MMP16: variants seen among roughly 807,000 people sequenced by gnomAD.
MMP16 encodes matrix metalloproteinase-16.
MMP16 carries 12 observed loss-of-function variants against 67.8 expected under a neutral mutation model. The observed-to-expected ratio is 0.18, with a 90% confidence interval of 0.11 to 0.29. The LOEUF (loss-of-function observed/expected upper bound fraction) is 0.29, where lower values mean the gene tolerates loss of function less well. MMP16 is among the 10% of genes least tolerant of loss of function. The probability of loss-of-function intolerance (pLI) is 1.00; values close to 1 mark genes in which losing one functional copy is unlikely to be tolerated. For synonymous variants in MMP16, 249 were observed against 255.9 expected, an observed-to-expected ratio of 0.97 and a Z score of 0.26; for missense variants, 475 against 765.7, an observed-to-expected ratio of 0.62 and a Z score of 4.48.
At chr8:88,159,973 A>G (rs1808586647) in intron 4 of MMP16, among the ~76,000 whole-genome samples, 1 of 149,194 alleles carries the variant, frequency 6.7e-6, no homozygotes, top group Admixed American at 6.7e-5. Flanking sequence ...ATTTTATTTT[A>G]TTTTATTATT....
At chr8:88,160,959 T>C (rs886144101) in intron 4 of MMP16, among the ~76,000 whole-genome samples, 1 of 152,202 alleles carries the variant, frequency 6.6e-6, no homozygotes, top group Non-Finnish European at 1.5e-5. Flanking sequence ...CAGTATTTTA[T>C]TGAGGATTTT....
intron 1 of MMP16, among the ~76,000 whole-genome samples, chr8:88,281,417 G>C (rs867510376): frequency 6.6e-6 from 1 of 152,202 alleles, no homozygotes; most frequent in African/African-American, 2.4e-5. Context: ...AGGGTCAGAG[G>C]AAGGTGAAAC....
chr8:88,286,497 A>T (rs921190874), intron 1 of MMP16, among the ~76,000 whole-genome samples: 4 of 152,070 alleles, frequency 2.6e-5, no homozygotes, highest in Admixed American at 6.5e-5. Context: ...CTCCTAATAA[A>T]AGCATTTTAT....
chr8:88,066,474 A>G (rs1055106953), intron 7 of MMP16, among the ~76,000 whole-genome samples: 3 of 152,104 alleles, frequency 2.0e-5, no homozygotes, highest in Admixed American at 6.6e-5. Flanking sequence ...ACACCTTATG[A>G]GCATAAAGGA....
chr8:88,116,586 T>C lies in MMP16; in HGVS notation c.1004A>G (p.Tyr335Cys), dbSNP rs1372758090. 1.2e-6 allele frequency: 2 copies of C among 1,613,728 alleles called. No homozygotes were observed. The highest frequency in any genetic ancestry group is 2.2e-5 in the South Asian group (2 of 91,082). ...PPRPPTGRPS[Y>C]PGAKPNICDG... is the part of the protein sequence containing the mutation. The stretch of plus-strand genomic sequence containing the variant: ...ACAGATGTTGGGTTTGGCTCCGGGA[T>C]AGGAGGGTCTGCCGGTTGGAGGCCG... The change falls in exon 6 of 10, where the codon TAT becomes TGT. Residue 335 changes from tyrosine to cysteine, a missense_variant. By Grantham distance (194) the Tyr-to-Cys change is radical. Around this residue, in one of 5 missense-constraint regions of MMP16, gnomAD observed 195 missense variants for 300.9 expected, o/e 0.65. Transcript: ENST00000286614.
Position 88,041,340 on chromosome 8 carries a change from C to G in MMP16, c.*121G>C. On this transcript the variant is annotated 3_prime_UTR_variant, in exon 10 of 10. Transcript: ENST00000286614. The surrounding 1 kb of genome is among the most constrained non-coding windows in gnomAD (Gnocchi z 6.0). ...CAGCAACCCTCTGGGTTTGAAAGGT[C>G]AGCCCCGAATCAGGCTGCCACAAGC... is the stretch of plus-strand genomic sequence containing the variant. 1 of 994,450 alleles carries G rather than the reference C, an allele frequency of 1.0e-6. No homozygotes were observed. Among genetic ancestry groups the G allele is most frequent in the Admixed American group, 2.3e-5 (1 of 43,504 alleles). 61.6% of individuals were successfully genotyped at this position (994,450 alleles called of 1,614,324 possible). A position where few individuals can be genotyped will look rare whatever the true frequency, so the allele number is the denominator to read the frequency against.
At chr8:88,145,986 T>C (rs1808283839) in intron 4 of MMP16, among the ~76,000 whole-genome samples, 1 of 152,020 alleles carries the variant, frequency 6.6e-6, no homozygotes, top group South Asian at 2.1e-4. Context: ...ACACCAATAG[T>C]GCTGAGGTTG....
chr8:88,216,222 C>T (rs1563564849), intron 1 of MMP16, among the ~76,000 whole-genome samples: 1 of 151,968 alleles, frequency 6.6e-6, no homozygotes. Context: ...AGCATTGATC[C>T]ATTATAAACT....
chr8:88,061,436 A>G (rs1477350928), intron 7 of MMP16, among the ~76,000 whole-genome samples: 1 of 152,042 alleles, frequency 6.6e-6, no homozygotes, highest in African/African-American at 2.4e-5. Flanking sequence ...TATTTAGGGT[A>G]CATCTTGTGT....
At chr8:88,255,872 T>C (rs1189143569) in intron 1 of MMP16, among the ~76,000 whole-genome samples, 2 of 152,174 alleles carry the variant, frequency 1.3e-5, no homozygotes, top group African/African-American at 4.8e-5. Flanking sequence ...TGGAATTCAA[T>C]CATTTAGATC....
chr8:88,222,294 G>T (rs912766262), intron 1 of MMP16, among the ~76,000 whole-genome samples: 2 of 151,486 alleles, frequency 1.3e-5, no homozygotes, highest in Non-Finnish European at 3.0e-5. Context: ...TTACCAGGCA[G>T]AATCCTCGTC....
intron 4 of MMP16, among the ~76,000 whole-genome samples, chr8:88,138,211 C>T (rs1201461818): frequency 6.6e-6 from 1 of 151,872 alleles, no homozygotes. Context: ...TTCATCCTAT[C>T]CTCTGAAAAA....
Position 88,105,231 on chromosome 8 carries a change from TA to T in MMP16, c.1083+11275del, listed in dbSNP as rs1185757086. On this transcript the variant is annotated intron_variant, in intron 6 of 9. Transcript: ENST00000286614. ...GCTATACCACTACCATATTACTGGATAATCTGGGTTTGCTTGAAAAATTTTT... is the reference window on the plus strand; with the variant it reads ...GCTATACCACTACCATATTACTGGATATCTGGGTTTGCTTGAAAAATTTTT... Among the ~76,000 whole-genome samples the T allele has an allele frequency of 7.3e-4, 110 of 151,244 alleles. 1 individual carries two copies. Among genetic ancestry groups the T allele is most frequent in the African/African-American group, 2.5e-3 (102 of 41,390 alleles).
At chr8:88,313,624 G>A (rs149900165) in intron 1 of MMP16, among the ~76,000 whole-genome samples, 160 of 152,198 alleles carry the variant, frequency 1.1e-3, no homozygotes, top group African/African-American at 3.5e-3. Flanking sequence ...TAAGAAAAGC[G>A]TTATTCTTTC....
intron 1 of MMP16, among the ~76,000 whole-genome samples, chr8:88,262,985 A>C (rs1386099037): frequency 1.3e-5 from 2 of 151,212 alleles, no homozygotes; most frequent in Non-Finnish European, 2.9e-5. Flanking sequence ...AGATCGCGCC[A>C]CTGCACTCCA....
intron 1 of MMP16, among the ~76,000 whole-genome samples, chr8:88,296,056 T>C (rs920441709): frequency 6.6e-6 from 1 of 152,312 alleles, no homozygotes; most frequent in East Asian, 1.9e-4. Flanking sequence ...CTAGTCCAAA[T>C]AGAATACATA....
chr8:88,251,029 T>C (rs1021968845), intron 1 of MMP16, among the ~76,000 whole-genome samples: 8 of 151,450 alleles, frequency 5.3e-5, no homozygotes, highest in African/African-American at 1.9e-4. Context: ...TATGCGGTGT[T>C]TGGTTTTTTG....
chr8:88,045,539 T>A (rs1336404410), intron 9 of MMP16, among the ~76,000 whole-genome samples: 1 of 151,952 alleles, frequency 6.6e-6, no homozygotes, highest in Admixed American at 6.6e-5. Context: ...CCTTGCTTAT[T>A]TTTTTATATT....
In MMP16 at chr8:88,175,804, G is replaced by C. The variant is rs73287086; in HGVS notation, c.405-7831C>G. 6.1e-3 allele frequency among the ~76,000 whole-genome samples: 928 copies of C among 152,166 alleles called. 5 individuals are homozygous for C. Among genetic ancestry groups the C allele is most frequent in the African/African-American group, 0.021 (862 of 41,516 alleles). ...TCCGTGGGAGGTAATTGAATCATGG[G>C]GTCAGGTTTTCCTGTGCTGTTCTTG... On this transcript the variant is annotated intron_variant, in intron 3 of 9. Coordinates refer to ENST00000286614, the MANE Select transcript of MMP16 (RefSeq NM_005941.5).
Sources: allele counts gnomAD v4.1 joint callset (sites outside exome capture counted in the v4.1 genomes callset), GRCh38; gene constraint gnomAD v4.1.1; regional missense constraint gnomAD v4.1.1; non-coding constraint Gnocchi (gnomAD v3.1); transcripts MANE v1.5; gene names NCBI Gene and HGNC (gene_info 2026-07-23, HGNC 2026-07-21).